DISP1: variants seen among roughly 807,000 people sequenced by gnomAD.
DISP1 encodes protein dispatched homolog 1.
DISP1 carries 30 observed loss-of-function variants against 37.3 expected under a neutral mutation model. That is an observed-to-expected ratio of 0.80 (90% confidence interval 0.60 to 1.09). The LOEUF is 1.09. Among genes scored for constraint, DISP1 ranks in the 50% least tolerant of loss-of-function variants. The pLI, the probability that DISP1 is intolerant of heterozygous loss-of-function variation, is 0.00. For missense variants in DISP1, 1,598 were observed against 1,879.5 expected, an observed-to-expected ratio of 0.85 and a Z score of 2.77; for synonymous variants, 634 against 690.2, an observed-to-expected ratio of 0.92 and a Z score of 1.28.
chr1:223,003,222 T>C lies in DISP1; in HGVS notation c.1825T>C (p.Phe609Leu). The C allele has an allele frequency of 1.2e-6, 2 of 1,614,234 alleles. No individual in the cohort carries two copies. Among genetic ancestry groups the C allele is most frequent in the Non-Finnish European group, 1.7e-6 (2 of 1,180,040 alleles). Residue 609 changes from phenylalanine to leucine, a missense_variant, in exon 9 of 9, where the codon TTC (phenylalanine) becomes CTC (leucine). Transcript: ENST00000675850. The surrounding 1 kb of genome is among the most constrained non-coding windows in gnomAD (Gnocchi z 4.3). ...ITLQHAALSM[F>L]VTSFTTAAAF... Reference sequence around the variant, plus strand: ...CTTGCAGCACGCTGCCCTCTCCATGTTCGTCACCAGTTTTACCACTGCTGC... The same window carrying C: ...CTTGCAGCACGCTGCCCTCTCCATGCTCGTCACCAGTTTTACCACTGCTGC...
chr1:222,856,527 G>A (rs1668555318), intron 1 of DISP1, among the ~76,000 whole-genome samples: 1 of 152,126 alleles, frequency 6.6e-6, no homozygotes, highest in Non-Finnish European at 1.5e-5. Flanking sequence ...TGGGAGACAG[G>A]CACATAGTAG....
At position 222,943,452 on chromosome 1, in the gene DISP1, C is replaced by T. The variant is rs975140207; in HGVS notation, c.509+120C>T. The T allele has an allele frequency of 1.6e-5, 22 of 1,385,172 alleles. No individual in the cohort carries two copies. The Admixed American group carries it at 1.8e-4, about 11-fold the overall frequency. The allele number at this position is 1,385,172 out of a possible 1,614,324, so 85.8% of individuals were successfully genotyped here. ...GAGGCACAGAAAGAAAACATGAAAA[C>T]GCATATTCTGTGGATTGTGTGAAGC... On this transcript the variant is annotated intron_variant, in intron 3 of 8. Transcript: ENST00000675850.
At chr1:222,839,471 C>T (rs531748671) in intron 1 of DISP1, among the ~76,000 whole-genome samples, 2 of 152,298 alleles carry the variant, frequency 1.3e-5, no homozygotes, top group South Asian at 2.1e-4. Context: ...AAAGAAGAGT[C>T]TTTCTCCTGC....
chr1:222,978,366 GTTGT>G (rs1242370476), intron 3 of DISP1, among the ~76,000 whole-genome samples: 1 of 152,082 alleles, frequency 6.6e-6, no homozygotes, highest in Non-Finnish European at 1.5e-5. Flanking sequence ...TTTTGATGGG[GTTGT>G]TTGTTTTTTC....
chr1:222,915,569 T>A (rs1036874938), intron 1 of DISP1, among the ~76,000 whole-genome samples: 1 of 152,222 alleles, frequency 6.6e-6, no homozygotes, highest in African/African-American at 2.4e-5. Flanking sequence ...AAGCAAATAG[T>A]GTTGGGTGAT....
intron 1 of DISP1, among the ~76,000 whole-genome samples, chr1:222,910,875 A>C (rs1321006180): frequency 2.0e-5 from 3 of 152,186 alleles, no homozygotes; most frequent in Non-Finnish European, 4.4e-5. Context: ...TTTTGAGGGT[A>C]GTTTGGCCAG....
chr1:222,890,641 C>CA lies in DISP1; in HGVS notation c.-158-37788dup, dbSNP rs551349140. ...CTAGGTGTTAGTTTTCTAGGGCTGC[C>CA]ATAACAAGTATGACAAACTGGGTGG... On this transcript the variant is annotated intron_variant, in intron 1 of 8. Coordinates refer to ENST00000675850, the MANE Select transcript of DISP1 (RefSeq NM_001377229.1). Among the ~76,000 whole-genome samples, 100 of 152,152 alleles carry CA rather than the reference C, an allele frequency of 6.6e-4. 3 individuals are homozygous for CA. In the South Asian group the frequency reaches 0.02, roughly 31 times the overall value.
intron 8 of DISP1, among the ~76,000 whole-genome samples, chr1:222,997,412 G>A (rs1339980720): frequency 2.0e-5 from 3 of 152,116 alleles, no homozygotes; most frequent in Non-Finnish European, 4.4e-5. Flanking sequence ...GGAGGAGACA[G>A]TTCCCCCATA....
At chr1:222,888,025 G>A (rs940398448) in intron 1 of DISP1, among the ~76,000 whole-genome samples, 2 of 152,172 alleles carry the variant, frequency 1.3e-5, no homozygotes, top group African/African-American at 4.8e-5. Flanking sequence ...AATGTTGACT[G>A]TAGAAGTTTC....
intron 3 of DISP1, among the ~76,000 whole-genome samples, chr1:222,943,757 G>A (rs982832880): frequency 6.6e-6 from 1 of 152,116 alleles, no homozygotes; most frequent in Non-Finnish European, 1.5e-5. Context: ...GGCCAGATGC[G>A]GTGGCTCATG....
intron 8 of DISP1, among the ~76,000 whole-genome samples, chr1:222,996,241 A>G (rs1169251186): frequency 6.6e-6 from 1 of 152,138 alleles, no homozygotes; most frequent in East Asian, 1.9e-4. Context: ...CTATGAACCT[A>G]TTTCTCTTTG....
chr1:222,995,897 G>A (rs1679035611), intron 8 of DISP1, among the ~76,000 whole-genome samples: 1 of 152,168 alleles, frequency 6.6e-6, no homozygotes, highest in Non-Finnish European at 1.5e-5. Context: ...GAAATAGGCA[G>A]TAGAAAGGAA....
At position 222,942,951 on chromosome 1, in the gene DISP1, A is replaced by G; in HGVS notation, c.128A>G (p.Lys43Arg). ...GDHAAQQLTP[K>R]EATRTKVSPN... ...CATGCAGCCCAGCAGCTCACACCCA[A>G]AGAAGCAACAAGAACAAAAGTGAGT... The change falls in exon 3 of 9, where the codon AAA becomes AGA. Residue 43 changes from lysine (K) to arginine (R), a missense_variant. Coordinates refer to ENST00000675850, the MANE Select transcript of DISP1 (RefSeq NM_001377229.1). The G allele has an allele frequency of 3.1e-6, 5 of 1,614,134 alleles. No homozygotes were observed. The highest frequency in any genetic ancestry group is 4.2e-6 in the Non-Finnish European group (5 of 1,180,020).
intron 1 of DISP1, among the ~76,000 whole-genome samples, chr1:222,862,463 T>A (rs1357240407): frequency 6.6e-6 from 1 of 151,994 alleles, no homozygotes; most frequent in African/African-American, 2.4e-5. Context: ...ATTGATATAA[T>A]TTAACATTGA....
intron 3 of DISP1, among the ~76,000 whole-genome samples, chr1:222,970,849 A>G (rs1477297093): frequency 6.6e-6 from 1 of 151,638 alleles, no homozygotes; most frequent in Non-Finnish European, 1.5e-5. Context: ...AGTTGCAAAC[A>G]GAATCTACAC....
intron 1 of DISP1, among the ~76,000 whole-genome samples, chr1:222,921,080 C>T (rs1196692076): frequency 1.3e-5 from 2 of 152,116 alleles, no homozygotes; most frequent in African/African-American, 4.8e-5. Context: ...GAGGCCAAGG[C>T]GGGCAGATCT....
chr1:222,958,608 A>G (rs1675798664), intron 3 of DISP1, among the ~76,000 whole-genome samples: 1 of 152,226 alleles, frequency 6.6e-6, no homozygotes, highest in Non-Finnish European at 1.5e-5. Context: ...GGTTTTAAAT[A>G]CGATTTTGTA....
chr1:222,985,304 T>C (rs542369633), intron 4 of DISP1, among the ~76,000 whole-genome samples: 3 of 152,354 alleles, frequency 2.0e-5, no homozygotes, highest in African/African-American at 7.2e-5. Context: ...TGGCTGGAAC[T>C]TATTGCTTCC....
At chr1:222,921,776 C>T (rs1042775849) in intron 1 of DISP1, among the ~76,000 whole-genome samples, 3 of 151,992 alleles carry the variant, frequency 2.0e-5, no homozygotes, top group Non-Finnish European at 4.4e-5. Context: ...AAATATTTGA[C>T]CTAGTACATG....
Sources: allele counts gnomAD v4.1 joint callset (sites outside exome capture counted in the v4.1 genomes callset), GRCh38; gene constraint gnomAD v4.1.1; non-coding constraint Gnocchi (gnomAD v3.1); transcripts MANE v1.5; gene names NCBI Gene and HGNC (gene_info 2026-07-23, HGNC 2026-07-21).